TAFA2: variants seen among roughly 807,000 people sequenced by gnomAD.
TAFA2 encodes the protein TAFA chemokine like family member 2.
TAFA2 carries 7 observed loss-of-function variants against 18.8 expected under a neutral mutation model. The observed-to-expected ratio is 0.37, with a 90% CI of 0.21 to 0.70. The LOEUF is 0.70. Among genes scored for constraint, TAFA2 ranks in the 30% least tolerant of loss-of-function variants. The probability of loss-of-function intolerance (pLI) is 0.53; values close to 1 mark genes in which losing one functional copy is unlikely to be tolerated. For synonymous variants in TAFA2, 60 were observed against 54.2 expected (o/e 1.11, Z -0.47); for missense variants, 122 against 158.1 (o/e 0.77, Z 1.23).
chr12:62,111,696 T>C (rs967680861), intron 1 of TAFA2, among the ~76,000 whole-genome samples: 3 of 152,150 alleles, frequency 2.0e-5, no homozygotes, highest in Non-Finnish European at 4.4e-5. Context: ...ATATATTTAG[T>C]ATAGTTAGCT....
intron 1 of TAFA2, among the ~76,000 whole-genome samples, chr12:62,189,664 CTCCTT>C (rs1405402003): frequency 6.6e-6 from 1 of 152,136 alleles, no homozygotes; most frequent in African/African-American, 2.4e-5. Flanking sequence ...TGTTTTTAAT[CTCCTT>C]TCCTGGTTAT....
chr12:61,892,215 T>C (rs1270032927), intron 1 of TAFA2, among the ~76,000 whole-genome samples: 1 of 151,994 alleles, frequency 6.6e-6, no homozygotes, highest in African/African-American at 2.4e-5. Context: ...GTCAAGATAT[T>C]TGGTTTAAAA....
At chr12:61,822,621 T>A (rs796770969) in intron 2 of TAFA2, among the ~76,000 whole-genome samples, 1 of 152,290 alleles carries the variant, frequency 6.6e-6, no homozygotes, top group African/African-American at 2.4e-5. Context: ...GACACAGGAA[T>A]TATTTTTTTC....
chr12:62,239,650 G>GA (rs1311834202), intron 1 of TAFA2, among the ~76,000 whole-genome samples: 2 of 152,102 alleles, frequency 1.3e-5, no homozygotes, highest in Non-Finnish European at 2.9e-5. Context: ...TGTGAAAAAA[G>GA]AAAAACAGCT....
chr12:61,751,944 A>G (rs973619435), intron 4 of TAFA2, among the ~76,000 whole-genome samples: 3 of 151,986 alleles, frequency 2.0e-5, no homozygotes, highest in African/African-American at 7.2e-5. Context: ...AGATATTTTT[A>G]AAGGTCGACC....
At chr12:62,092,644 A>C (rs1361317064) in intron 1 of TAFA2, among the ~76,000 whole-genome samples, 1 of 151,936 alleles carries the variant, frequency 6.6e-6, no homozygotes, top group Non-Finnish European at 1.5e-5. Context: ...AATAACCCCA[A>C]TGTCTAGAAA....
intron 2 of TAFA2, among the ~76,000 whole-genome samples, chr12:61,793,854 A>T (rs567843979): frequency 2.0e-5 from 3 of 152,078 alleles, no homozygotes; most frequent in Admixed American, 2.0e-4. Context: ...AGCAAAATAA[A>T]TCCAACAATA....
chr12:62,091,819 A>C (rs1868727085), intron 1 of TAFA2, among the ~76,000 whole-genome samples: 1 of 151,976 alleles, frequency 6.6e-6, no homozygotes, highest in African/African-American at 2.4e-5. Flanking sequence ...CTGCTCTAGG[A>C]AAGATATTTT....
At chr12:62,059,501 G>C (rs1882288206) in intron 1 of TAFA2, among the ~76,000 whole-genome samples, 1 of 151,980 alleles carries the variant, frequency 6.6e-6, no homozygotes, top group African/African-American at 2.4e-5. Context: ...GTGAAGAAAA[G>C]TAAAGTGTGG....
intron 1 of TAFA2, among the ~76,000 whole-genome samples, chr12:62,134,364 G>A (rs1870810794): frequency 6.6e-6 from 1 of 151,796 alleles, no homozygotes; most frequent in African/African-American, 2.4e-5. Flanking sequence ...GGAGACCAGA[G>A]CATTTGCACA....
chr12:61,784,524 G>A (rs1870644876), intron 2 of TAFA2, among the ~76,000 whole-genome samples: 2 of 151,398 alleles, frequency 1.3e-5, no homozygotes, highest in Admixed American at 1.3e-4. Context: ...GTTTGAGAAA[G>A]AAAGTTTGGG....
upstream of TAFA2, among the ~76,000 whole-genome samples, chr12:62,194,831 A>G (rs2062642415): frequency 6.6e-6 from 1 of 152,208 alleles, no homozygotes; most frequent in African/African-American, 2.4e-5. Context: ...TGAGTCACAC[A>G]ATTTTTTTGG....
At chr12:61,855,386 C>G (rs1250114718) in intron 2 of TAFA2, among the ~76,000 whole-genome samples, 2 of 152,124 alleles carry the variant, frequency 1.3e-5, no homozygotes, top group African/African-American at 4.8e-5. Context: ...TTTTACATGT[C>G]CTGACTGTAG....
chr12:62,028,274 C>G (rs564744565), intron 1 of TAFA2, among the ~76,000 whole-genome samples: 1 of 152,228 alleles, frequency 6.6e-6, no homozygotes, highest in African/African-American at 2.4e-5. Context: ...TCAATAACCT[C>G]GTCTATCTAG....
At chr12:62,210,426 T>C (rs2062708723) in intron 1 of TAFA2, among the ~76,000 whole-genome samples, 2 of 152,212 alleles carry the variant, frequency 1.3e-5, no homozygotes, top group African/African-American at 4.8e-5. Context: ...TTTAATATGA[T>C]ATAGGATTAT....
intron 2 of TAFA2, among the ~76,000 whole-genome samples, chr12:61,856,215 G>A (rs1445558644): frequency 3.9e-5 from 6 of 151,922 alleles, no homozygotes; most frequent in Non-Finnish European, 8.8e-5. Context: ...CAAATTGTCT[G>A]TGTCTCTGAA....
At chr12:61,769,625 C>T (rs1309665880) in intron 2 of TAFA2, among the ~76,000 whole-genome samples, 1 of 151,858 alleles carries the variant, frequency 6.6e-6, no homozygotes, top group Non-Finnish European at 1.5e-5. Context: ...GGTGGCTAGA[C>T]CAGGAAGAGA....
chr12:62,075,441 CAT>C (rs1243017027), intron 1 of TAFA2, among the ~76,000 whole-genome samples: 1 of 152,174 alleles, frequency 6.6e-6, no homozygotes, highest in Non-Finnish European at 1.5e-5. Flanking sequence ...AAGGAGGCAA[CAT>C]GTGTAAATTC....
chr12:61,876,659 A>G (rs1200311151), intron 1 of TAFA2, among the ~76,000 whole-genome samples: 1 of 152,108 alleles, frequency 6.6e-6, no homozygotes, highest in Admixed American at 6.5e-5. Context: ...CACCAACATC[A>G]ACATATTTCA....
Sources: gnomAD v4.1 joint callset for allele counts (sites outside exome capture counted in the v4.1 genomes callset) on GRCh38, gnomAD v4.1.1 for gene constraint, MANE v1.5 for transcripts, NCBI Gene and HGNC (gene_info 2026-07-23, HGNC 2026-07-21) for gene names.